Variants in PARD3 observed in about 807,000 individuals in gnomAD.
PARD3 encodes the protein partitioning defective 3 homolog.
A neutral mutation model predicts 155.4 loss-of-function variants in PARD3; 75 were observed. The ratio of observed to expected loss-of-function variants is 0.48; its 90% CI spans 0.40 to 0.58. PARD3 has a LOEUF of 0.58. Among genes scored for constraint, PARD3 ranks in the 20% least tolerant of loss-of-function variants. PARD3 has a pLI of 0.00. For missense variants in PARD3, 1,642 were observed against 1,721.7 expected (o/e 0.95, Z 0.82); for synonymous variants, 576 against 610.5 (o/e 0.94, Z 0.83).
At chr10:34,639,946 C>T (rs2092616518) in intron 2 of PARD3, among the ~76,000 whole-genome samples, 1 of 152,148 alleles carries the variant, frequency 6.6e-6, no homozygotes, top group African/African-American at 2.4e-5. Flanking sequence ...AAGCACCTAG[C>T]ACATGGGTTA....
At chr10:34,598,977 T>C (rs764460904) in intron 2 of PARD3, among the ~76,000 whole-genome samples, 6 of 151,888 alleles carry the variant, frequency 4.0e-5, no homozygotes, top group Non-Finnish European at 8.8e-5. Flanking sequence ...CCTCTGCCAG[T>C]GTGGATACCT....
chr10:34,551,728 T>C (rs145826650), intron 2 of PARD3, among the ~76,000 whole-genome samples: 1 of 152,238 alleles, frequency 6.6e-6, no homozygotes, highest in Non-Finnish European at 1.5e-5. Flanking sequence ...GGGCAGCGTG[T>C]GATGGGCACT....
intron 22 of PARD3, among the ~76,000 whole-genome samples, chr10:34,195,671 G>A (rs893685222): frequency 1.3e-5 from 2 of 152,222 alleles, no homozygotes; most frequent in Non-Finnish European, 2.9e-5. Context: ...CGAGAAGAAT[G>A]AGAAGGGACA....
intron 12 of PARD3, among the ~76,000 whole-genome samples, chr10:34,368,666 C>T (rs1004539338): frequency 6.6e-6 from 1 of 150,640 alleles, no homozygotes; most frequent in Non-Finnish European, 1.5e-5. Flanking sequence ...AGCGAGACTC[C>T]ATCTCAAACA....
intron 7 of PARD3, 134 bp downstream of exon 7, chr10:34,399,196 A>C (rs958522593): frequency 1.5e-6 from 1 of 669,986 alleles, no homozygotes; most frequent in African/African-American, 1.8e-5. Flanking sequence ...TATAGGAATG[A>C]AGGAGCAGTT....
chr10:34,330,930 A>G (rs1395929256), intron 19 of PARD3, among the ~76,000 whole-genome samples, 187 bp downstream of exon 19: 1 of 152,166 alleles, frequency 6.6e-6, no homozygotes, highest in Non-Finnish European at 1.5e-5. Flanking sequence ...ACCCCAGTGT[A>G]TACTTATAAG....
intron 1 of PARD3, among the ~76,000 whole-genome samples, chr10:34,727,584 C>T (rs918419841): frequency 3.3e-5 from 5 of 150,820 alleles, no homozygotes; most frequent in East Asian, 1.9e-4. Context: ...TTTTTTTGAA[C>T]GACAACAACA....
chr10:34,768,979 C>T (rs1362778591), intron 1 of PARD3, among the ~76,000 whole-genome samples: 4 of 152,244 alleles, frequency 2.6e-5, no homozygotes, highest in African/African-American at 9.6e-5. Flanking sequence ...ATACACTGCT[C>T]ATTACCCGCC....
rs1554804503 is a variant in PARD3, at chr10:34,184,715, T to TTC, written c.3420-53133_3420-53132insGA. On this transcript the variant is annotated intron_variant, in intron 22 of 24. Coordinates refer to ENST00000374788, the MANE Select transcript of PARD3 (RefSeq NM_001184785.2). The stretch of plus-strand genomic sequence containing the variant: ...GCCTTTCGGTTTTTTTTTTTTTTTT[T>TTC]CCCTCAAGGAGCTATTTTTGTGCCC... Among the ~76,000 whole-genome samples the TTC allele has an allele frequency of 8.6e-5, 13 of 150,824 alleles. 1 individual carries two copies. The highest frequency in any genetic ancestry group is 4.2e-4 in the South Asian group (2 of 4,726).
chr10:34,359,728 A>C (rs1839254880), intron 13 of PARD3, among the ~76,000 whole-genome samples: 1 of 152,196 alleles, frequency 6.6e-6, no homozygotes, highest in African/African-American at 2.4e-5. Flanking sequence ...AGGCTGAGAA[A>C]TAGAGTAAGT....
At chr10:34,782,809 C>T (rs1038186217) in intron 1 of PARD3, among the ~76,000 whole-genome samples, 2 of 151,984 alleles carry the variant, frequency 1.3e-5, no homozygotes, top group African/African-American at 2.4e-5. Flanking sequence ...TCACTGCAGC[C>T]TCTGCCTCCC....
chr10:34,459,997 A>G (rs961194325), intron 4 of PARD3, among the ~76,000 whole-genome samples: 1 of 152,174 alleles, frequency 6.6e-6, no homozygotes, highest in African/African-American at 2.4e-5. Context: ...TTTTTATCTT[A>G]ATGTAGAAAG....
chr10:34,119,730 C>T lies in PARD3; in HGVS notation c.3551G>A (p.Arg1184Gln), dbSNP rs748080657. Residue 1184 changes from arginine to glutamine, a missense_variant, in exon 24 of 25, where the codon CGG (arginine) becomes CAG (glutamine). By Grantham distance (43) the Arg-to-Gln change is conservative (BLOSUM62 1). Transcript: ENST00000374788. The part of the protein sequence containing the change: ...YSFEQPWPNA[R>Q]PATQSGRHSV... Reference sequence around the variant, plus strand: ...GTGTCGCCCGCTCTGCGTCGCCGGCCGTGCGTTCGGCTGGAAGAGGAAAAT... The same window carrying T: ...GTGTCGCCCGCTCTGCGTCGCCGGCTGTGCGTTCGGCTGGAAGAGGAAAAT... The T allele has an allele frequency of 3.0e-5, 48 of 1,610,932 alleles. No homozygotes were observed. Among genetic ancestry groups the T allele is most frequent in the South Asian group, 3.0e-4 (27 of 90,882 alleles).
intron 1 of PARD3, among the ~76,000 whole-genome samples, chr10:34,738,237 C>T (rs1378151253): frequency 6.6e-6 from 1 of 152,178 alleles, no homozygotes; most frequent in Non-Finnish European, 1.5e-5. Context: ...AAGGAAAACA[C>T]TTCTAATAAG....
At chr10:34,680,397 A>G (rs1408966061) in intron 2 of PARD3, among the ~76,000 whole-genome samples, 2 of 151,946 alleles carry the variant, frequency 1.3e-5, no homozygotes, top group Non-Finnish European at 2.9e-5. Context: ...CATCTCTACT[A>G]AAAAATAAAA....
chr10:34,675,947 G>T, intron 2 of PARD3: 1 of 162,638 alleles, frequency 6.1e-6, no homozygotes, highest in East Asian at 1.5e-4. Flanking sequence ...AATCTCATGT[G>T]CTGGGCCATC....
chr10:34,673,957 C>T (rs1190338934), intron 2 of PARD3, among the ~76,000 whole-genome samples: 2 of 139,682 alleles, frequency 1.4e-5, no homozygotes, highest in Non-Finnish European at 3.0e-5. Context: ...TGCACTCCAG[C>T]ATGGAAGACA....
At chr10:34,359,993 A>G (rs1331573965) in intron 13 of PARD3, 78 bp downstream of exon 13, 8 of 1,077,428 alleles carry the variant, frequency 7.4e-6, no homozygotes, top group Middle Eastern at 4.4e-4. Context: ...TGTTAACTGT[A>G]TATGTTTCCA....
intron 3 of PARD3, among the ~76,000 whole-genome samples, chr10:34,499,303 C>A (rs1189631030): frequency 1.3e-5 from 2 of 152,086 alleles, no homozygotes; most frequent in Non-Finnish European, 2.9e-5. Context: ...AAATTAAAAA[C>A]CAAATAGTTA....
Sources: allele counts gnomAD v4.1 joint callset (sites outside exome capture counted in the v4.1 genomes callset), GRCh38; gene constraint gnomAD v4.1.1; transcripts MANE v1.5; gene names NCBI Gene and HGNC (gene_info 2026-07-23, HGNC 2026-07-21).